The following KCNT1 variants were observed in gnomAD, a reference collection of about 807,000 sequenced individuals.
The protein encoded by KCNT1 is potassium channel subfamily T member 1.
Under a neutral mutation model 147.8 loss-of-function variants are expected in KCNT1, and 78 were observed. The observed-to-expected ratio is 0.53, with a 90% CI of 0.44 to 0.64. The LOEUF (loss-of-function observed/expected upper bound fraction) is 0.64. Among genes scored for constraint, KCNT1 ranks in the 30% least tolerant of loss-of-function variants. KCNT1 has a pLI of 0.00. For missense variants in KCNT1, 1,419 were observed against 1,750.3 expected (o/e 0.81, Z 3.38); for synonymous variants, 867 against 748.8 (o/e 1.16, Z -2.58).
intron 1 of KCNT1, among the ~76,000 whole-genome samples, chr9:135,709,612 C>T (rs1243324551): frequency 6.6e-6 from 1 of 152,172 alleles, no homozygotes; most frequent in Non-Finnish European, 1.5e-5. Flanking sequence ...TAATTATTAG[C>T]TAGGTGGCTT....
chr9:135,769,894 G>T, intron 15 of KCNT1, 53 bp from the exon 16 acceptor site: 1 of 1,321,868 alleles, frequency 7.6e-7, no homozygotes. Flanking sequence ...TACTGTGGGG[G>T]AGGAGAGAGC....
chr9:135,730,397 G>C lies in KCNT1; in HGVS notation c.254+15677G>C, dbSNP rs747757043. Among the ~76,000 whole-genome samples the C allele has an allele frequency of 6.6e-6, 1 of 152,224 alleles. No individual in the cohort carries two copies. The highest frequency in any genetic ancestry group is 2.1e-4 in the South Asian group (1 of 4,828). On this transcript the variant is annotated intron_variant, in intron 2 of 30. Transcript: ENST00000371757. The surrounding 1 kb of genome is among the most constrained non-coding windows in gnomAD (Gnocchi z 4.7). ...CCACACGTGGTGAGGGGGATTAGCAGATATGATTAAGTGGAGGGCCTTGAA... is the reference window on the plus strand; with the variant it reads ...CCACACGTGGTGAGGGGGATTAGCACATATGATTAAGTGGAGGGCCTTGAA...
Position 135,792,294 on chromosome 9 carries a change from C to T in KCNT1, c.*133C>T, listed in dbSNP as rs943347606. The T allele has an allele frequency of 1.6e-5, 19 of 1,200,210 alleles. No individual in the cohort carries two copies. Among genetic ancestry groups the T allele is most frequent in the Middle Eastern group, 2.6e-4 (1 of 3,802 alleles). 74.3% of individuals were successfully genotyped at this position (1,200,210 alleles called of 1,614,324 possible). A position where few individuals can be genotyped will look rare whatever the true frequency, so the allele number is the denominator to read the frequency against. On this transcript the variant is annotated 3_prime_UTR_variant, in exon 31 of 31. Transcript: ENST00000371757. ...TCTACTCACCATGGCTCCTGGGACT[C>T]CACCCTGGAAAGGAGCCCCTCATGC...
chr9:135,769,168 TCTGGGGCAGGGCGCGTGTGC>T (rs1832561491), intron 15 of KCNT1, among the ~76,000 whole-genome samples: 1 of 135,456 alleles, frequency 7.4e-6, no homozygotes, highest in Non-Finnish European at 1.6e-5. Context: ...TGACGGTGCG[TCTGGGGCAGGGCGCGTGTGC>T]ACACGTGGGT....
chr9:135,704,005 A>C (rs1424253770), intron 1 of KCNT1, among the ~76,000 whole-genome samples: 4 of 152,354 alleles, frequency 2.6e-5, no homozygotes, highest in Admixed American at 6.5e-5. Flanking sequence ...AGGGAGCAGG[A>C]CCTGGGCTTG....
At chr9:135,789,927 G>A (rs1834369325) in intron 29 of KCNT1, 1 of 152,252 alleles carries the variant, frequency 6.6e-6, no homozygotes, top group South Asian at 2.1e-4. Flanking sequence ...GGGCAGCCAG[G>A]ACCAGTGCCA....
intron 9 of KCNT1, 22 bp from the exon 10 acceptor site, chr9:135,758,392 A>G: frequency 1.9e-6 from 3 of 1,593,920 alleles, no homozygotes; most frequent in Non-Finnish European, 2.6e-6. Flanking sequence ...CTGCCCGCTG[A>G]CAGCCACCAC....
intron 2 of KCNT1, among the ~76,000 whole-genome samples, chr9:135,748,230 G>A (rs11103156): frequency 0.12 from 17,677 of 152,148 alleles, 1,276 homozygotes; most frequent in South Asian, 0.18. Flanking sequence ...CACTGTGACC[G>A]GCCCCTGGCC....
intron 2 of KCNT1, among the ~76,000 whole-genome samples, chr9:135,723,107 G>A (rs138521170): frequency 6.6e-6 from 1 of 152,370 alleles, no homozygotes; most frequent in Non-Finnish European, 1.5e-5. Flanking sequence ...AGTGAAGGCT[G>A]AGGCCACACT....
chr9:135,756,995 TC>T (rs1831531553), intron 7 of KCNT1, 63 bp downstream of exon 7: 2 of 779,044 alleles, frequency 2.6e-6, no homozygotes, highest in South Asian at 1.6e-5. Flanking sequence ...CTCCCCAGCC[TC>T]CCCCACCTCC....
rs748433070 is a variant in KCNT1, at chr9:135,779,520, G to A, written c.2841+50G>A. The A allele has an allele frequency of 3.2e-5, 44 of 1,362,058 alleles. No individual in the cohort carries two copies. In the South Asian group the frequency reaches 5.0e-4, roughly 15 times the overall value. 84.4% of individuals were successfully genotyped at this position (1,362,058 alleles called of 1,614,324 possible). ...CTGCCACCCCAGAATCCCAGAAAGA[G>A]TGGGAGAAAGGGGCTCAGGGGAAAG... On this transcript the variant is annotated intron_variant, in intron 24 of 30. Transcript: ENST00000371757.
At chr9:135,768,792 C>T (rs766651508) in intron 14 of KCNT1, 37 bp from the exon 15 acceptor site, 1 of 1,580,360 alleles carries the variant, frequency 6.3e-7, no homozygotes, top group Non-Finnish European at 8.6e-7. Context: ...CCACAGAGGC[C>T]AGCCCGTCTG....
intron 2 of KCNT1, among the ~76,000 whole-genome samples, chr9:135,743,651 C>T (rs751660197): frequency 3.9e-5 from 6 of 152,228 alleles, no homozygotes; most frequent in Non-Finnish European, 8.8e-5. Context: ...CCCAGGCTCC[C>T]GAGGAGTCGG....
At chr9:135,786,855 T>C (rs1260677446) in intron 29 of KCNT1, among the ~76,000 whole-genome samples, 1 of 152,236 alleles carries the variant, frequency 6.6e-6, no homozygotes, top group Non-Finnish European at 1.5e-5. Flanking sequence ...TTTCCCTCTC[T>C]GCCAAATTAG....
At chr9:135,744,199 C>A (rs776260191) in intron 2 of KCNT1, among the ~76,000 whole-genome samples, 22 of 152,242 alleles carry the variant, frequency 1.4e-4, no homozygotes, top group Non-Finnish European at 2.9e-4. Flanking sequence ...GACTACCTGC[C>A]AGGAATCCCT....
intron 2 of KCNT1, among the ~76,000 whole-genome samples, chr9:135,748,806 C>T (rs1233136555): frequency 6.6e-6 from 1 of 152,218 alleles, no homozygotes; most frequent in Non-Finnish European, 1.5e-5. Flanking sequence ...CACTGGACTG[C>T]GTGTTCTGCC....
At chr9:135,732,014 A>AGGGAGG (rs1367347980) in intron 2 of KCNT1, among the ~76,000 whole-genome samples, 2,466 of 122,528 alleles carry the variant, frequency 0.02, 152 homozygotes, top group African/African-American at 0.041. Context: ...AGAGAGAGAG[A>AGGGAGG]GAGAGAGAGA....
intron 1 of KCNT1, among the ~76,000 whole-genome samples, chr9:135,709,933 G>T (rs575010822): frequency 6.6e-6 from 1 of 152,346 alleles, no homozygotes; most frequent in Admixed American, 6.5e-5. Context: ...CACCCACCTT[G>T]GCCTCCCAAA....
chr9:135,771,195 AGGACAGGGGGAGGTGACCAGGTG>A lies in KCNT1; in HGVS notation c.2008+108_2008+130del, dbSNP rs1832735832. On this transcript the variant is annotated intron_variant, in intron 18 of 30. Coordinates refer to ENST00000371757, the MANE Select transcript of KCNT1 (RefSeq NM_020822.3). ...GACCAGGTGGGATGGGAGACCAGGC[AGGACAGGGGGAGGTGACCAGGTG>A]GGACAGGAGACCAGGCAGGACAGGG... The A allele has an allele frequency of 1.5e-5, 17 of 1,129,078 alleles. No individual in the cohort carries two copies. In the South Asian group the frequency reaches 2.5e-4, roughly 17 times the overall value. The allele number at this position is 1,129,078 out of a possible 1,614,324, so 69.9% of individuals were successfully genotyped here. A position where few individuals can be genotyped will look rare whatever the true frequency, so the allele number is the denominator to read the frequency against.
Sources: allele counts gnomAD v4.1 joint callset (sites outside exome capture counted in the v4.1 genomes callset), GRCh38; gene constraint gnomAD v4.1.1; non-coding constraint Gnocchi (gnomAD v3.1); transcripts MANE v1.5; gene names NCBI Gene and HGNC (gene_info 2026-07-23, HGNC 2026-07-21).